The following COL4A2 variants were observed in gnomAD, a reference collection of about 807,000 sequenced individuals.
The protein encoded by COL4A2 is collagen type IV alpha 2 chain, also known as collagen alpha-2(IV) chain.
In COL4A2, 99 loss-of-function variants were observed where a neutral mutation model predicts 200.2. That is an observed-to-expected ratio of 0.49 (90% CI 0.42 to 0.58). The LOEUF (loss-of-function observed/expected upper bound fraction) is 0.58, where lower values mean the gene tolerates loss of function less well. Among genes scored for constraint, COL4A2 ranks in the 20% least tolerant of loss-of-function variants. The pLI is 0.00. For missense variants in COL4A2, 1,950 were observed against 2,314.1 expected (o/e 0.84, Z 3.23); for synonymous variants, 897 against 900.6 (o/e 1.00, Z 0.07).
intron 4 of COL4A2, among the ~76,000 whole-genome samples, chr13:110,401,916 A>G (rs1879385593): frequency 2.0e-5 from 3 of 152,134 alleles, no homozygotes; most frequent in Non-Finnish European, 4.4e-5. Context: ...CCTCCTTTAT[A>G]AGGGCACTAA....
chr13:110,416,328 C>T (rs1273103392), intron 4 of COL4A2, among the ~76,000 whole-genome samples: 1 of 152,278 alleles, frequency 6.6e-6, no homozygotes, highest in Non-Finnish European at 1.5e-5. Flanking sequence ...CAGGTGCAGT[C>T]TGGGCTCTCA....
At chr13:110,344,461 A>G (rs867396638) in intron 3 of COL4A2, among the ~76,000 whole-genome samples, 8 of 152,200 alleles carry the variant, frequency 5.3e-5, no homozygotes, top group African/African-American at 1.9e-4. Flanking sequence ...CCTCTAACTC[A>G]TACTTGCTGA....
At chr13:110,456,607 C>T in intron 20 of COL4A2, 1 of 373,862 alleles carries the variant, frequency 2.7e-6, no homozygotes, top group South Asian at 2.0e-5. Flanking sequence ...ACAAAATAGT[C>T]TAAGTTTTCT....
chr13:110,465,961 G>C, intron 25 of COL4A2, 42 bp from the exon 26 acceptor site: 2 of 1,603,226 alleles, frequency 1.2e-6, no homozygotes, highest in Non-Finnish European at 1.7e-6. Context: ...ACTCTTATCT[G>C]TTTCAAAATT....
At chr13:110,340,721 G>A in intron 3 of COL4A2, among the ~76,000 whole-genome samples, 1 of 152,180 alleles carries the variant, frequency 6.6e-6, no homozygotes, top group Non-Finnish European at 1.5e-5. Context: ...GGGACAGAGA[G>A]TCTTTAGGGT....
rs190128147 is a variant in COL4A2, at chr13:110,461,685, T to A, written c.1597-429T>A. Among the ~76,000 whole-genome samples the A allele has an allele frequency of 4.1e-3, 625 of 152,162 alleles. 3 individuals carry two copies. Among genetic ancestry groups the A allele is most frequent in the African/African-American group, 0.014 (591 of 41,526 alleles). Reference sequence around the variant, plus strand: ...ACAGGCGTGCACCACCACACTCCACTGCCACACTCGGCTAAGTTTTTGCAT... The same window carrying A: ...ACAGGCGTGCACCACCACACTCCACAGCCACACTCGGCTAAGTTTTTGCAT... On this transcript the variant is annotated intron_variant, in intron 22 of 47. Coordinates refer to ENST00000360467, the MANE Select transcript of COL4A2 (RefSeq NM_001846.4).
At chr13:110,503,633 T>G in intron 43 of COL4A2, 152 bp downstream of exon 43, 1 of 719,274 alleles carries the variant, frequency 1.4e-6, no homozygotes, top group Non-Finnish European at 2.3e-6. Context: ...GCCTCGGATG[T>G]TGTCACAGGA....
Position 110,503,201 on chromosome 13 carries a change from G to C in COL4A2, c.3958G>C (p.Gly1320Arg). The change falls in exon 42 of 48, where the codon GGA becomes CGA. Residue 1320 changes from glycine (G) to arginine (R), a missense_variant. By Grantham distance (125) the Gly-to-Arg change is moderately radical. Coordinates refer to ENST00000360467, the MANE Select transcript of COL4A2 (RefSeq NM_001846.4). The part of the protein sequence containing the change: ...KGDTGNPGAP[G>R]TPGTKGWAGD... ...TGACACAGGGAACCCAGGAGCTCCA[G>C]GAACCCCAGGGACCAAAGGATGGGC... 1 of 1,613,992 alleles carries C rather than the reference G, an allele frequency of 6.2e-7. No individual in the cohort carries two copies. Among genetic ancestry groups the C allele is most frequent in the Non-Finnish European group, 8.5e-7 (1 of 1,180,010 alleles).
rs555102310 is a variant in COL4A2, at chr13:110,360,792, C to G, written c.180+3240C>G. ...AAGACAGAGGCAAACGATACCCGCC[C>G]CCCACCCCGGGGCCTGGACTGTGGG... On this transcript the variant is annotated intron_variant, in intron 4 of 47. Coordinates refer to ENST00000360467, the MANE Select transcript of COL4A2 (RefSeq NM_001846.4). 8.3e-5 allele frequency among the ~76,000 whole-genome samples: 12 copies of G among 144,908 alleles called. No individual in the cohort carries two copies. The South Asian group carries it at 1.5e-3, about 18-fold the overall frequency.
chr13:110,309,834 CA>C (rs111468439), intron 3 of COL4A2, among the ~76,000 whole-genome samples: 15,570 of 151,978 alleles, frequency 0.1, 1,131 homozygotes, highest in African/African-American at 0.2. Flanking sequence ...TACTAAAATA[CA>C]AAAAAATCAG....
At chr13:110,466,705 C>G (rs3803235) in intron 26 of COL4A2, among the ~76,000 whole-genome samples, 90,296 of 152,074 alleles carry the variant, frequency 0.59, 27,670 homozygotes, top group Middle Eastern at 0.73. Context: ...GAAAAGCATC[C>G]ACACTGACTT....
intron 6 of COL4A2, among the ~76,000 whole-genome samples, chr13:110,425,914 CAGA>C (rs1880456327): frequency 1.3e-5 from 2 of 152,072 alleles, no homozygotes; most frequent in South Asian, 2.1e-4. Flanking sequence ...ATCCGCAGAG[CAGA>C]AGGAGACAGT....
At chr13:110,445,762 C>A in intron 16 of COL4A2, 67 bp from the exon 17 acceptor site, 1 of 1,553,162 alleles carries the variant, frequency 6.4e-7, no homozygotes, top group Non-Finnish European at 8.9e-7. Flanking sequence ...TATAATAATG[C>A]CATTGCAGTC....
intron 40 of COL4A2, among the ~76,000 whole-genome samples, chr13:110,495,792 G>A (rs1161025329): frequency 6.6e-6 from 1 of 152,222 alleles, no homozygotes; most frequent in African/African-American, 2.4e-5. Flanking sequence ...ACTCTGGGTA[G>A]TGAATGTGCG....
At chr13:110,455,595 C>A (rs1317108564) in intron 20 of COL4A2, among the ~76,000 whole-genome samples, 3 of 152,188 alleles carry the variant, frequency 2.0e-5, no homozygotes, top group Non-Finnish European at 4.4e-5. Context: ...CCATCGGTTT[C>A]ATTTCCAGTT....
intron 18 of COL4A2, among the ~76,000 whole-genome samples, chr13:110,447,739 C>T (rs1881382459): frequency 9.3e-6 from 1 of 108,074 alleles, no homozygotes; most frequent in Non-Finnish European, 2.1e-5. Context: ...CAGCAAACGC[C>T]TGACTGAGTG....
intron 20 of COL4A2, among the ~76,000 whole-genome samples, chr13:110,454,820 C>G (rs1467750139): frequency 2.6e-5 from 4 of 152,156 alleles, no homozygotes; most frequent in African/African-American, 7.2e-5. Flanking sequence ...TAACAGAAAC[C>G]GTTAACTCGA....
chr13:110,430,771 CTT>C lies in COL4A2; in HGVS notation c.648+166_648+167del. 6 of 977,450 alleles carry C rather than the reference CTT, an allele frequency of 6.1e-6. No individual in the cohort carries two copies. In the South Asian group the frequency reaches 7.7e-5, roughly 13 times the overall value. 60.5% of individuals were successfully genotyped at this position (977,450 alleles called of 1,614,324 possible). ...GACAAAACGGACCATTCCTTGCACA[CTT>C]TGCTGCTGTTAAGGTTGAAGAATAA... On this transcript the variant is annotated intron_variant, in intron 10 of 47. Coordinates refer to ENST00000360467, the MANE Select transcript of COL4A2 (RefSeq NM_001846.4).
intron 20 of COL4A2, among the ~76,000 whole-genome samples, chr13:110,451,166 C>G (rs1881526614): frequency 6.6e-6 from 1 of 152,148 alleles, no homozygotes; most frequent in African/African-American, 2.4e-5. Flanking sequence ...TGAGAATGAC[C>G]TGTCTCAGGC....
Sources: allele counts gnomAD v4.1 joint callset (sites outside exome capture counted in the v4.1 genomes callset), GRCh38; gene constraint gnomAD v4.1.1; transcripts MANE v1.5; gene names NCBI Gene and HGNC (gene_info 2026-07-23, HGNC 2026-07-21).